Variants in DNAJC16 observed in about 807,000 individuals in gnomAD.
DNAJC16 encodes DnaJ heat shock protein family (Hsp40) member C16.
A neutral mutation model predicts 92.7 loss-of-function variants in DNAJC16; 76 were observed. The ratio of observed to expected loss-of-function variants is 0.82; its 90% CI spans 0.68 to 0.99. The LOEUF is 0.99. DNAJC16 is among the 50% of genes least tolerant of loss of function. The pLI is 0.00. For missense variants in DNAJC16, 869 were observed against 942.4 expected (o/e 0.92, Z 1.02); for synonymous variants, 328 against 358.7 (o/e 0.91, Z 0.97).
intron 7 of DNAJC16, among the ~76,000 whole-genome samples, chr1:15,554,215 G>A (rs1044343700): frequency 2.0e-5 from 3 of 150,394 alleles, no homozygotes; most frequent in East Asian, 1.9e-4. Flanking sequence ...AAAAAAAAAA[G>A]AAAGAAAATT....
chr1:15,568,417 C>T lies in DNAJC16; in HGVS notation c.*240C>T. The T allele has an allele frequency of 1.8e-6, 1 of 542,910 alleles. No homozygotes were observed. The highest frequency in any genetic ancestry group is 3.2e-6 in the Non-Finnish European group (1 of 309,414). The allele number at this position is 542,910 out of a possible 1,614,324, so 33.6% of individuals were successfully genotyped here. On this transcript the variant is annotated 3_prime_UTR_variant, in exon 15 of 15. Transcript: ENST00000375847. ...GGGTGTTATTTTTCCCCACTGAATGCCACACCATTGAAAATAGACTGCTCA... is the reference window on the plus strand; with the variant it reads ...GGGTGTTATTTTTCCCCACTGAATGTCACACCATTGAAAATAGACTGCTCA...
chr1:15,549,572 T>C (rs925977797), intron 7 of DNAJC16, among the ~76,000 whole-genome samples: 4 of 151,814 alleles, frequency 2.6e-5, no homozygotes, highest in African/African-American at 7.3e-5. Flanking sequence ...CCCAGCACTT[T>C]GGGAGGCCGA....
At chr1:15,549,770 C>G (rs185059240) in intron 7 of DNAJC16, among the ~76,000 whole-genome samples, 1,974 of 147,736 alleles carry the variant, frequency 0.013, 46 homozygotes, top group African/African-American at 0.047. Context: ...GCTGAGATCA[C>G]GCCGCCCACT....
intron 8 of DNAJC16, among the ~76,000 whole-genome samples, chr1:15,559,888 A>T (rs527364616): frequency 6.6e-6 from 1 of 150,802 alleles, no homozygotes; most frequent in South Asian, 2.1e-4. Context: ...ACATGGAGAA[A>T]CCCCATCTCT....
At chr1:15,552,623 T>C (rs1222713727) in intron 7 of DNAJC16, among the ~76,000 whole-genome samples, 2 of 152,088 alleles carry the variant, frequency 1.3e-5, no homozygotes, top group Non-Finnish European at 2.9e-5. Flanking sequence ...CACAGATTTC[T>C]TCTTTTTTTT....
In DNAJC16 at chr1:15,570,683, G is replaced by A. The variant is rs940530127; in HGVS notation, c.*2506G>A. ...CTCTTCTACAGACCGGTTTAGAGCT[G>A]GTGCCCTATGAGAATATTAGGGAGC... On this transcript the variant is annotated 3_prime_UTR_variant, in exon 15 of 15. Transcript: ENST00000375847. 2.6e-5 allele frequency: 4 copies of A among 152,188 alleles called. No individual in the cohort carries two copies. Among genetic ancestry groups the A allele is most frequent in the African/African-American group, 4.8e-5 (2 of 41,452 alleles). The allele number at this position is 152,188 out of a possible 1,614,324, so 9.4% of individuals were successfully genotyped here.
intron 8 of DNAJC16, among the ~76,000 whole-genome samples, chr1:15,561,788 G>GTAATCCCACAC: frequency 6.6e-6 from 1 of 152,220 alleles, no homozygotes; most frequent in East Asian, 1.9e-4. Flanking sequence ...AACACTTTGG[G>GTAATCCCACAC]AGCCTGAGGT....
In DNAJC16 at chr1:15,563,860, A is replaced by AAAAAAG. The variant is rs757534511; in HGVS notation, c.1339-66_1339-65insAAGAAA. On this transcript the variant is annotated intron_variant, in intron 9 of 14. Coordinates refer to ENST00000375847, the MANE Select transcript of DNAJC16 (RefSeq NM_015291.4). ...GCAAGACTCCGTCAAAAAAAAAAAA[A>AAAAAAG]AAAGCAAACAACTGTAACTTAACCA... 3.8e-4 allele frequency: 544 copies of AAAAAAG among 1,424,716 alleles called. 2 individuals carry two copies. The highest frequency in any genetic ancestry group is 1.7e-3 in the African/African-American group (112 of 66,120). 88.3% of individuals were successfully genotyped at this position (1,424,716 alleles called of 1,614,324 possible). A position where few individuals can be genotyped will look rare whatever the true frequency, so the allele number is the denominator to read the frequency against.
In DNAJC16 at chr1:15,544,506, T is replaced by C; in HGVS notation, c.682T>C (p.Phe228Leu). ...ILGIINGKIS[F>L]FHNAVVRENL... Reference sequence around the variant, plus strand: ...AGGAATCATTAACGGGAAAATCTCCTTCTTCCACAATGCAGTTGTCCGTGA... The same window carrying C: ...AGGAATCATTAACGGGAAAATCTCCCTCTTCCACAATGCAGTTGTCCGTGA... Residue 228 changes from phenylalanine (F) to leucine (L), a missense_variant, in exon 5 of 15, where the codon TTC becomes CTC. Transcript: ENST00000375847. The C allele has an allele frequency of 6.2e-7, 1 of 1,614,140 alleles. No homozygotes were observed. Among genetic ancestry groups the C allele is most frequent in the Non-Finnish European group, 8.5e-7 (1 of 1,180,000 alleles).
chr1:15,560,425 G>A (rs1467585645), intron 8 of DNAJC16: 3 of 152,178 alleles, frequency 2.0e-5, no homozygotes, highest in Non-Finnish European at 4.4e-5. Context: ...GAATCGGGAA[G>A]GCTAAGTTAC....
chr1:15,544,857 C>G (rs1638256074), intron 5 of DNAJC16, among the ~76,000 whole-genome samples: 1 of 152,026 alleles, frequency 6.6e-6, no homozygotes, highest in Non-Finnish European at 1.5e-5. Flanking sequence ...GAATCTGAGC[C>G]TAAAATGACA....
intron 2 of DNAJC16, among the ~76,000 whole-genome samples, chr1:15,531,821 T>G (rs1394310338): frequency 1.3e-5 from 2 of 152,256 alleles, no homozygotes; most frequent in Admixed American, 1.3e-4. Context: ...ATGACAATGC[T>G]TTGTCACTTG....
chr1:15,532,328 G>C (rs577189532), intron 2 of DNAJC16, among the ~76,000 whole-genome samples: 2 of 152,236 alleles, frequency 1.3e-5, no homozygotes, highest in African/African-American at 4.8e-5. Context: ...TTATATTGCA[G>C]TTCCTGAAAT....
At chr1:15,530,019 A>T (rs1710617292) in intron 2 of DNAJC16, among the ~76,000 whole-genome samples, 1 of 152,170 alleles carries the variant, frequency 6.6e-6, no homozygotes, top group Non-Finnish European at 1.5e-5. Context: ...GCAATTTTTT[A>T]AAAATATTTT....
rs1230101254 is a variant in DNAJC16 at position 15,569,349 on chromosome 1, C to G, written c.*1172C>G. 2.6e-5 allele frequency: 4 copies of G among 152,198 alleles called. No individual in the cohort carries two copies. The highest frequency in any genetic ancestry group is 5.9e-5 in the Non-Finnish European group (4 of 68,036). The allele number at this position is 152,198 out of a possible 1,614,324, so 9.4% of individuals were successfully genotyped here. ...TCTGGGCTGTATTTTGATGTCTCAT[C>G]TTCATTGTTTTCACTCTTAACTTAG... On this transcript the variant is annotated 3_prime_UTR_variant, in exon 15 of 15. Transcript: ENST00000375847.
intron 4 of DNAJC16, 106 bp from the exon 5 acceptor site, chr1:15,544,290 TCTC>T (rs1224239847): frequency 4.6e-6 from 5 of 1,087,574 alleles, no homozygotes; most frequent in Non-Finnish European, 6.5e-6. Flanking sequence ...AGGAAAGACA[TCTC>T]CTATGAGGTC....
chr1:15,567,806 A>C lies in DNAJC16; in HGVS notation c.1978A>C (p.Ser660Arg). ...CAGCTGCCTACACTTCTCCTTCCTG[A>C]GTCTAGATAAACACAGAGAATGGCT... ...GSSCLHFSFL[S>R]LDKHREWLEY... The change falls in exon 15 of 15, where the codon AGT (serine) becomes CGT (arginine). Residue 660 changes from serine (S) to arginine (R), a missense_variant. Coordinates refer to ENST00000375847, the MANE Select transcript of DNAJC16 (RefSeq NM_015291.4). 6.2e-7 allele frequency: 1 copy of C among 1,614,024 alleles called. No homozygotes were observed. Among genetic ancestry groups the C allele is most frequent in the Non-Finnish European group, 8.5e-7 (1 of 1,179,962 alleles).
chr1:15,544,902 TG>T (rs1638257106), intron 5 of DNAJC16, among the ~76,000 whole-genome samples: 1 of 94,408 alleles, frequency 1.1e-5, no homozygotes, highest in Non-Finnish European at 2.5e-5. Context: ...TTAAATCACA[TG>T]TTAGAAAGAA....
At chr1:15,563,804 C>G in intron 9 of DNAJC16, 125 bp from the exon 10 acceptor site, 1 of 919,696 alleles carries the variant, frequency 1.1e-6, no homozygotes, top group Non-Finnish European at 1.6e-6. Context: ...GAGCCAAGAT[C>G]ACGCCACTGC....
Sources: allele counts gnomAD v4.1 joint callset (sites outside exome capture counted in the v4.1 genomes callset), GRCh38; gene constraint gnomAD v4.1.1; transcripts MANE v1.5; gene names NCBI Gene and HGNC (gene_info 2026-07-23, HGNC 2026-07-21).